CSMD1: variants seen among roughly 807,000 people sequenced by gnomAD.
CSMD1 encodes the protein CUB and sushi domain-containing protein 1.
A neutral mutation model predicts 417.5 loss-of-function variants in CSMD1; 213 were observed. The ratio of observed to expected loss-of-function variants is 0.51; its 90% confidence interval spans 0.46 to 0.57. The LOEUF is 0.57. CSMD1 is among the 20% of genes least tolerant of loss of function. The probability of loss-of-function intolerance (pLI) is 0.00; values close to 1 mark genes in which losing one functional copy is unlikely to be tolerated. For missense variants in CSMD1, 6,923 were observed against 4,529.7 expected, an observed-to-expected ratio of 1.53 and a Z score of -15.17; for synonymous variants, 2,862 against 1,736.8, an observed-to-expected ratio of 1.65 and a Z score of -16.11.
chr8:4,723,355 C>T (rs1040799881), intron 1 of CSMD1, among the ~76,000 whole-genome samples: 9 of 151,986 alleles, frequency 5.9e-5, no homozygotes, highest in African/African-American at 1.9e-4. Context: ...TTTCAAGGAC[C>T]GAGGTTCGCT....
intron 11 of CSMD1, among the ~76,000 whole-genome samples, chr8:3,470,755 T>A (rs1817045697): frequency 6.6e-6 from 1 of 152,178 alleles, no homozygotes; most frequent in Non-Finnish European, 1.5e-5. Context: ...TTTAAAAAAA[T>A]CATACAAATG....
At chr8:3,558,168 C>A (rs550227573) in intron 10 of CSMD1, among the ~76,000 whole-genome samples, 25 of 149,960 alleles carry the variant, frequency 1.7e-4, no homozygotes, top group African/African-American at 4.7e-4. Context: ...CTCAATAGCA[C>A]CCCGTGTCCA....
In CSMD1 at chr8:3,218,413, C is replaced by T. The variant is rs906130826; in HGVS notation, c.4672+842G>A. Among the ~76,000 whole-genome samples the T allele has an allele frequency of 4.6e-5, 7 of 150,932 alleles. 1 individual carries two copies. The highest frequency in any genetic ancestry group is 7.1e-3 in the Middle Eastern group (2 of 282). ...CGTCTCTACTAAAAATACAAAAAAT[C>T]AGCCGGGCGTGGTGGCAGCTGCCTG... On this transcript the variant is annotated intron_variant, in intron 29 of 69. Transcript: ENST00000635120.
At chr8:4,568,175 C>G (rs1798706171) in intron 2 of CSMD1, among the ~76,000 whole-genome samples, 1 of 152,134 alleles carries the variant, frequency 6.6e-6, no homozygotes, top group Non-Finnish European at 1.5e-5. Flanking sequence ...TTATGGGATA[C>G]ATGTGCAGAA....
intron 2 of CSMD1, among the ~76,000 whole-genome samples, chr8:4,542,580 G>T (rs776018028): frequency 6.6e-6 from 1 of 152,130 alleles, no homozygotes; most frequent in Non-Finnish European, 1.5e-5. Flanking sequence ...AGTATTTTAT[G>T]TTATTGCTAA....
intron 16 of CSMD1, 95 bp from the exon 17 acceptor site, chr8:3,396,476 T>C: frequency 3.9e-6 from 3 of 774,702 alleles, no homozygotes; most frequent in African/African-American, 1.8e-5. Flanking sequence ...GAAACCCATG[T>C]ACGTTAACAT....
intron 3 of CSMD1, among the ~76,000 whole-genome samples, chr8:4,386,994 G>T (rs576800698): frequency 2.6e-5 from 4 of 152,204 alleles, no homozygotes; most frequent in Non-Finnish European, 5.9e-5. Context: ...TGAAAGGACA[G>T]TAATCGGCTT....
chr8:4,659,101 G>C (rs140383209), intron 1 of CSMD1, among the ~76,000 whole-genome samples: 8 of 151,910 alleles, frequency 5.3e-5, no homozygotes, highest in Admixed American at 2.0e-4. Context: ...TAAAATAACC[G>C]ATTAAAAATG....
At chr8:4,514,784 G>A (rs553991598) in intron 2 of CSMD1, among the ~76,000 whole-genome samples, 1 of 152,244 alleles carries the variant, frequency 6.6e-6, no homozygotes, top group East Asian at 1.9e-4. Context: ...ACACTCTGGT[G>A]ATTACATGAC....
At chr8:3,346,965 G>A (rs988699140) in intron 22 of CSMD1, among the ~76,000 whole-genome samples, 6 of 152,182 alleles carry the variant, frequency 3.9e-5, no homozygotes, top group Non-Finnish European at 7.3e-5. Flanking sequence ...CAGGTGACTG[G>A]ACGGATGATT....
chr8:2,992,906 T>C (rs940937150), intron 54 of CSMD1, among the ~76,000 whole-genome samples: 2 of 151,758 alleles, frequency 1.3e-5, no homozygotes. Flanking sequence ...CGCAGCTGGC[T>C]AATTTTTGTA....
intron 9 of CSMD1, among the ~76,000 whole-genome samples, chr8:3,581,361 TTG>T (rs1800375677): frequency 2.6e-5 from 4 of 152,182 alleles, no homozygotes; most frequent in Non-Finnish European, 1.5e-5. Context: ...ACAAAATCAC[TTG>T]TATAATTACT....
chr8:3,873,132 G>A (rs1445889483), intron 5 of CSMD1, among the ~76,000 whole-genome samples: 1 of 151,934 alleles, frequency 6.6e-6, no homozygotes, highest in Admixed American at 6.6e-5. Context: ...AACTATTGAG[G>A]AAACTAGTAT....
intron 10 of CSMD1, among the ~76,000 whole-genome samples, chr8:3,535,511 G>C (rs1239868515): frequency 3.3e-5 from 5 of 152,128 alleles, no homozygotes; most frequent in South Asian, 2.1e-4. Context: ...CATGGACATA[G>C]AGTGTGACCT....
intron 1 of CSMD1, among the ~76,000 whole-genome samples, chr8:4,762,361 C>A (rs1812168724): frequency 6.6e-6 from 1 of 152,000 alleles, no homozygotes; most frequent in Non-Finnish European, 1.5e-5. Context: ...ACTTTGTTTA[C>A]TGCTATACAT....
intron 3 of CSMD1, among the ~76,000 whole-genome samples, chr8:4,099,653 C>G (rs1801205148): frequency 6.6e-6 from 1 of 151,880 alleles, no homozygotes. Flanking sequence ...CAGAATAAAC[C>G]AATGCAGTCT....
At chr8:3,864,635 C>T (rs1467192841) in intron 5 of CSMD1, among the ~76,000 whole-genome samples, 1 of 152,122 alleles carries the variant, frequency 6.6e-6, no homozygotes, top group Non-Finnish European at 1.5e-5. Flanking sequence ...CATCCCACAA[C>T]AGGCCCCGGT....
intron 23 of CSMD1, among the ~76,000 whole-genome samples, chr8:3,331,345 T>C (rs1806884779): frequency 6.6e-6 from 1 of 152,196 alleles, no homozygotes; most frequent in African/African-American, 2.4e-5. Context: ...CCAGAGGCAC[T>C]GATCAAAATC....
intron 6 of CSMD1, among the ~76,000 whole-genome samples, chr8:3,747,105 G>A (rs1457108752): frequency 2.0e-5 from 3 of 152,314 alleles, no homozygotes; most frequent in Middle Eastern, 3.4e-3. Context: ...CAAGTCGGTG[G>A]AGAAACACAG....
Sources: gnomAD v4.1 joint callset for allele counts (sites outside exome capture counted in the v4.1 genomes callset) on GRCh38, gnomAD v4.1.1 for gene constraint, MANE v1.5 for transcripts, NCBI Gene and HGNC (gene_info 2026-07-23, HGNC 2026-07-21) for gene names.